SNX30: variants seen among roughly 807,000 people sequenced by gnomAD.
SNX30 encodes sorting nexin-30.
Under a neutral mutation model 46.4 loss-of-function variants are expected in SNX30, and 24 were observed. That is an observed-to-expected ratio of 0.52 (90% CI 0.37 to 0.73). The LOEUF is 0.73. Among genes scored for constraint, SNX30 ranks in the 30% least tolerant of loss-of-function variants. SNX30 has a pLI of 0.00. For synonymous variants in SNX30, 189 were observed against 211.5 expected (o/e 0.89, Z 0.92); for missense variants, 533 against 555.7 (o/e 0.96, Z 0.41).
At chr9:112,882,780 G>A (rs1303461449), downstream of SNX30, among the ~76,000 whole-genome samples, 1 of 152,070 alleles carries the variant, frequency 6.6e-6, no homozygotes, top group Non-Finnish European at 1.5e-5. Context: ...GTGTTAGCAG[G>A]CTTAGGAGGG....
chr9:112,765,273 G>T (rs1461279924), intron 1 of SNX30, among the ~76,000 whole-genome samples: 1 of 152,212 alleles, frequency 6.6e-6, no homozygotes, highest in Non-Finnish European at 1.5e-5. Context: ...TCTAAGGCAT[G>T]TATGCCTTTT....
chr9:112,804,951 A>G lies in SNX30; in HGVS notation c.332A>G (p.Tyr111Cys), dbSNP rs781734207. The G allele has an allele frequency of 5.0e-6, 8 of 1,601,452 alleles. No individual in the cohort carries two copies. The highest frequency in any genetic ancestry group is 2.2e-5 in the East Asian group (1 of 44,686). The change falls in exon 2 of 9, where the codon TAT (tyrosine) becomes TGT (cysteine). Residue 111 changes from tyrosine (Y) to cysteine (C), a missense_variant. By Grantham distance (194) the Tyr-to-Cys change is radical. Transcript: ENST00000374232. ...HVCTMETYIT[Y>C]RITTKSTRVE... ...TGTACAATGGAGACTTACATCACCTATAGGATCACCACCAAAGTAGGTCCC... is the reference window on the plus strand; with the variant it reads ...TGTACAATGGAGACTTACATCACCTGTAGGATCACCACCAAAGTAGGTCCC...
intron 1 of SNX30, among the ~76,000 whole-genome samples, chr9:112,775,759 T>C (rs1056154061): frequency 1.3e-5 from 2 of 151,074 alleles, no homozygotes; most frequent in African/African-American, 2.4e-5. Flanking sequence ...TATGCATAAA[T>C]ATAAAAATGC....
chr9:112,781,660 C>G (rs1049477832), intron 1 of SNX30, among the ~76,000 whole-genome samples: 2 of 151,822 alleles, frequency 1.3e-5, no homozygotes, highest in Non-Finnish European at 1.5e-5. Flanking sequence ...AAGACAGATT[C>G]TTGCTCTGTT....
chr9:112,835,907 TA>T lies in SNX30; in HGVS notation c.619-299del, dbSNP rs146731833. 7.8e-3 allele frequency among the ~76,000 whole-genome samples: 1,192 copies of T among 152,190 alleles called. 17 individuals carry two copies. Among genetic ancestry groups the T allele is most frequent in the African/African-American group, 0.027 (1,111 of 41,516 alleles). On this transcript the variant is annotated intron_variant, in intron 4 of 8. Transcript: ENST00000374232. Reference sequence around the variant, plus strand: ...ACTTTGTATGGGAGAAACAGATACTTAAAAAAAATTATGTTAGAAACAGCAT... The same window carrying T: ...ACTTTGTATGGGAGAAACAGATACTTAAAAAAATTATGTTAGAAACAGCAT...
chr9:112,866,799 C>T (rs1420484951), intron 8 of SNX30, among the ~76,000 whole-genome samples: 1 of 129,228 alleles, frequency 7.7e-6, no homozygotes, highest in African/African-American at 2.9e-5. Context: ...AATTCCTCCC[C>T]CTCCTCAGAA....
chr9:112,778,845 A>G (rs1332899553), intron 1 of SNX30, among the ~76,000 whole-genome samples: 1 of 146,820 alleles, frequency 6.8e-6, no homozygotes, highest in African/African-American at 2.5e-5. Context: ...AGCACAGATC[A>G]TAAGTGTTAT....
intron 1 of SNX30, among the ~76,000 whole-genome samples, chr9:112,793,797 GTTTTTTGTT>G (rs1269478406): frequency 7.3e-6 from 1 of 137,158 alleles, no homozygotes; most frequent in East Asian, 2.1e-4. Flanking sequence ...TACCTCCACT[GTTTTTTGTT>G]TTTTTTTTTT....
intron 2 of SNX30, among the ~76,000 whole-genome samples, chr9:112,810,719 TTG>T (rs1367189274): frequency 2.0e-5 from 3 of 151,802 alleles, no homozygotes; most frequent in Non-Finnish European, 4.4e-5. Context: ...GGCACTTAGG[TTG>T]TGGAAGGGCT....
At chr9:112,815,112 T>C (rs934566389) in intron 2 of SNX30, among the ~76,000 whole-genome samples, 1 of 152,180 alleles carries the variant, frequency 6.6e-6, no homozygotes, top group African/African-American at 2.4e-5. Flanking sequence ...ATGGCTGATC[T>C]TTTATTTTCT....
rs917448893 is a variant in SNX30 at position 112,874,443 on chromosome 9, A to C, written c.*5600A>C. 2.0e-5 allele frequency: 3 copies of C among 152,244 alleles called. No homozygotes were observed. Among genetic ancestry groups the C allele is most frequent in the Non-Finnish European group, 2.9e-5 (2 of 68,046 alleles). The allele number at this position is 152,244 out of a possible 1,614,324, so 9.4% of individuals were successfully genotyped here. On this transcript the variant is annotated 3_prime_UTR_variant, in exon 9 of 9. Coordinates refer to ENST00000374232, the MANE Select transcript of SNX30 (RefSeq NM_001012994.2). Reference sequence around the variant, plus strand: ...ACTTGTATTTTAACTGTTAAAGAAGAGATTAAAAACTTCGGCTTTGGACAT... The same window carrying C: ...ACTTGTATTTTAACTGTTAAAGAAGCGATTAAAAACTTCGGCTTTGGACAT...
chr9:112,866,169 C>T (rs1841339330), intron 8 of SNX30, among the ~76,000 whole-genome samples: 1 of 152,054 alleles, frequency 6.6e-6, no homozygotes, highest in East Asian at 1.9e-4. Flanking sequence ...GATTCCTGCC[C>T]TGTGGAGGGT....
At chr9:112,820,700 A>G (rs576502982) in intron 3 of SNX30, among the ~76,000 whole-genome samples, 3 of 152,312 alleles carry the variant, frequency 2.0e-5, no homozygotes, top group African/African-American at 4.8e-5. Flanking sequence ...CAAACACTGT[A>G]TATCTCCCAG....
At chr9:112,803,985 C>T (rs1167208687) in intron 1 of SNX30, among the ~76,000 whole-genome samples, 7 of 135,738 alleles carry the variant, frequency 5.2e-5, no homozygotes, top group African/African-American at 1.9e-4. Flanking sequence ...ATGCCTCGCC[C>T]TGCTTCGGCT....
At chr9:112,823,075 A>G (rs539249650) in intron 3 of SNX30, among the ~76,000 whole-genome samples, 1 of 152,366 alleles carries the variant, frequency 6.6e-6, no homozygotes, top group Admixed American at 6.5e-5. Flanking sequence ...ATAGGAAAAA[A>G]CATATACATA....
chr9:112,849,371 C>A lies in SNX30; in HGVS notation c.1015-1488C>A, dbSNP rs568439574. 1.3e-4 allele frequency among the ~76,000 whole-genome samples: 20 copies of A among 152,298 alleles called. No individual in the cohort carries two copies. In the South Asian group the frequency reaches 4.1e-3, roughly 32 times the overall value. ...AGTAACATTGAATAAAAATGTAAAT[C>A]CAGTTCCCCAGTCCTGCTAGCTTTG... On this transcript the variant is annotated intron_variant, in intron 6 of 8. Transcript: ENST00000374232.
chr9:112,791,398 A>ATTTTTTTT, intron 1 of SNX30, among the ~76,000 whole-genome samples: 2 of 39,886 alleles, frequency 5.0e-5, no homozygotes, highest in Non-Finnish European at 1.1e-4. Context: ...ATATTTAGGA[A>ATTTTTTTT]CTTTTTTTTT....
intron 1 of SNX30, among the ~76,000 whole-genome samples, chr9:112,758,299 C>G (rs1048780974): frequency 7.9e-5 from 12 of 152,102 alleles, no homozygotes; most frequent in African/African-American, 1.2e-4. Context: ...CCAGCTCACT[C>G]CCATCAATAT....
intron 8 of SNX30, among the ~76,000 whole-genome samples, chr9:112,865,673 A>G (rs1316599321): frequency 2.1e-4 from 22 of 105,624 alleles, no homozygotes; most frequent in East Asian, 5.2e-4. Context: ...GTATGTATGT[A>G]TGCACACACA....
Sources: allele counts gnomAD v4.1 joint callset (sites outside exome capture counted in the v4.1 genomes callset), GRCh38; gene constraint gnomAD v4.1.1; transcripts MANE v1.5; gene names NCBI Gene and HGNC (gene_info 2026-07-23, HGNC 2026-07-21).